GABRG3: variants seen among roughly 807,000 people sequenced by gnomAD.
GABRG3 encodes the protein gamma-aminobutyric acid type A receptor subunit gamma3, also known as gamma-aminobutyric acid receptor subunit gamma-3.
Under a neutral mutation model 48.8 loss-of-function variants are expected in GABRG3, and 25 were observed. The ratio of observed to expected loss-of-function variants is 0.51; its 90% CI spans 0.37 to 0.72. The LOEUF is 0.72. Among genes scored for constraint, GABRG3 ranks in the 30% least tolerant of loss-of-function variants. The probability of loss-of-function intolerance (pLI) is 0.00; values close to 1 mark genes in which losing one functional copy is unlikely to be tolerated. For synonymous variants in GABRG3, 227 were observed against 217.6 expected, an observed-to-expected ratio of 1.04 and a Z score of -0.38; for missense variants, 394 against 577.9, an observed-to-expected ratio of 0.68 and a Z score of 3.26.
At chr15:27,490,703 T>C (rs1890328191) in intron 6 of GABRG3, among the ~76,000 whole-genome samples, 2 of 152,202 alleles carry the variant, frequency 1.3e-5, no homozygotes, top group African/African-American at 4.8e-5. Flanking sequence ...GCACCCAAAA[T>C]AGTTCCTTCC....
intron 6 of GABRG3, among the ~76,000 whole-genome samples, chr15:27,503,028 C>T (rs1338362102): frequency 1.3e-5 from 2 of 152,190 alleles, no homozygotes; most frequent in Non-Finnish European, 2.9e-5. Flanking sequence ...AAACCGATGG[C>T]CATTGGTGAT....
At chr15:27,017,716 G>A (rs151334950) in intron 2 of GABRG3, among the ~76,000 whole-genome samples, 1 of 152,330 alleles carries the variant, frequency 6.6e-6, no homozygotes, top group African/African-American at 2.4e-5. Context: ...CTTCTGTGTG[G>A]CTGGCTTTGC....
At chr15:27,335,259 G>C (rs373865957) in intron 5 of GABRG3, among the ~76,000 whole-genome samples, 1 of 146,644 alleles carries the variant, frequency 6.8e-6, no homozygotes, top group African/African-American at 2.7e-5. Flanking sequence ...ATTCCTAGAA[G>C]TGGAATTGCT....
intron 5 of GABRG3, among the ~76,000 whole-genome samples, chr15:27,360,005 T>C (rs1365096465): frequency 1.3e-5 from 2 of 152,160 alleles, no homozygotes; most frequent in Non-Finnish European, 1.5e-5. Flanking sequence ...GTGTGAAGGT[T>C]TGGGGACAGA....
intron 3 of GABRG3, among the ~76,000 whole-genome samples, chr15:27,309,949 G>A (rs61113898): frequency 1.3e-5 from 2 of 151,950 alleles, no homozygotes; most frequent in South Asian, 2.1e-4. Flanking sequence ...ATAAACAAAC[G>A]GTGACACATC....
At chr15:27,341,732 T>C (rs377237115) in intron 5 of GABRG3, among the ~76,000 whole-genome samples, 6 of 152,284 alleles carry the variant, frequency 3.9e-5, no homozygotes. Flanking sequence ...CGGCTATTGT[T>C]ACCCCATTAT....
chr15:27,143,103 T>G (rs1321616202), intron 3 of GABRG3, among the ~76,000 whole-genome samples: 1 of 152,164 alleles, frequency 6.6e-6, no homozygotes, highest in Non-Finnish European at 1.5e-5. Context: ...TTACAGTCAG[T>G]GTCTCACTCT....
intron 5 of GABRG3, among the ~76,000 whole-genome samples, chr15:27,467,357 A>G (rs1004717585): frequency 1.3e-5 from 2 of 152,198 alleles, no homozygotes; most frequent in East Asian, 3.9e-4. Context: ...GGGGACACAG[A>G]TGTTCAGACC....
chr15:27,361,656 AACATTT>A (rs1453088421), intron 5 of GABRG3, among the ~76,000 whole-genome samples: 1 of 152,180 alleles, frequency 6.6e-6, no homozygotes, highest in African/African-American at 2.4e-5. Flanking sequence ...TAAGCACACT[AACATTT>A]AATGAGGGTG....
chr15:27,253,878 A>G (rs997651940), intron 3 of GABRG3, among the ~76,000 whole-genome samples: 8 of 152,234 alleles, frequency 5.3e-5, no homozygotes, highest in Admixed American at 5.2e-4. Flanking sequence ...CAGTAGCTCA[A>G]TTTCACATTA....
At chr15:27,263,207 A>G (rs1890817585) in intron 3 of GABRG3, among the ~76,000 whole-genome samples, 1 of 152,238 alleles carries the variant, frequency 6.6e-6, no homozygotes, top group Admixed American at 6.5e-5. Context: ...TATACGGAGA[A>G]ACAAAGGTGA....
intron 3 of GABRG3, among the ~76,000 whole-genome samples, chr15:27,304,890 C>A (rs1272241838): frequency 7.9e-5 from 12 of 151,900 alleles, no homozygotes; most frequent in Non-Finnish European, 1.3e-4. Flanking sequence ...ATTATGGATA[C>A]TGGAACCTGA....
chr15:27,296,676 G>A (rs1253649345), intron 3 of GABRG3, among the ~76,000 whole-genome samples: 1 of 152,134 alleles, frequency 6.6e-6, no homozygotes, highest in South Asian at 2.1e-4. Flanking sequence ...GCATTACACG[G>A]TGTTGGTGGT....
intron 2 of GABRG3, among the ~76,000 whole-genome samples, chr15:27,002,799 A>C (rs1021527124): frequency 2.0e-5 from 3 of 150,142 alleles, no homozygotes; most frequent in Non-Finnish European, 4.4e-5. Context: ...GAAAGAGAGA[A>C]AGAGAGAAAG....
chr15:27,012,630 A>G (rs1895710361), intron 2 of GABRG3, among the ~76,000 whole-genome samples: 1 of 152,164 alleles, frequency 6.6e-6, no homozygotes, highest in Non-Finnish European at 1.5e-5. Context: ...GGAGTGAATC[A>G]CCATATCCAA....
intron 3 of GABRG3, among the ~76,000 whole-genome samples, chr15:27,066,610 G>T (rs1055037388): frequency 6.6e-6 from 1 of 152,122 alleles, no homozygotes; most frequent in Admixed American, 6.5e-5. Context: ...ATCCACAGGT[G>T]CAGGGAAAGA....
At chr15:27,405,391 C>A (rs1176206489) in intron 5 of GABRG3, among the ~76,000 whole-genome samples, 2 of 152,066 alleles carry the variant, frequency 1.3e-5, no homozygotes, top group Admixed American at 1.3e-4. Context: ...ACATGTCATG[C>A]ATGTTAGATT....
chr15:27,276,453 C>T (rs952943683), intron 3 of GABRG3, among the ~76,000 whole-genome samples: 6 of 152,148 alleles, frequency 3.9e-5, no homozygotes, highest in African/African-American at 1.2e-4. Context: ...GGCCATTGTC[C>T]GTTGTCTGTT....
chr15:27,256,028 G>A (rs1033973336), intron 3 of GABRG3, among the ~76,000 whole-genome samples: 14 of 152,176 alleles, frequency 9.2e-5, no homozygotes, highest in Non-Finnish European at 1.6e-4. Flanking sequence ...TTGCAAATGT[G>A]ATTGAGTTAT....
Sources: gnomAD v4.1 joint callset for allele counts (sites outside exome capture counted in the v4.1 genomes callset) on GRCh38, gnomAD v4.1.1 for gene constraint, MANE v1.5 for transcripts, NCBI Gene and HGNC (gene_info 2026-07-23, HGNC 2026-07-21) for gene names.